Variants in KCNH5 observed in about 807,000 individuals in gnomAD.
KCNH5 encodes voltage-gated delayed rectifier potassium channel KCNH5.
A neutral mutation model predicts 96.1 loss-of-function variants in KCNH5; 46 were observed. That is an observed-to-expected ratio of 0.48 (90% CI 0.38 to 0.61). The LOEUF is 0.61. KCNH5 is among the 20% of genes least tolerant of loss of function. The probability of loss-of-function intolerance (pLI) is 0.00; values close to 1 mark genes in which losing one functional copy is unlikely to be tolerated. For missense variants in KCNH5, 907 were observed against 1,225.8 expected, an observed-to-expected ratio of 0.74 and a Z score of 3.88; for synonymous variants, 439 against 449.8, an observed-to-expected ratio of 0.98 and a Z score of 0.30.
chr14:62,824,502 T>A (rs2140020957), intron 8 of KCNH5, among the ~76,000 whole-genome samples: 1 of 152,146 alleles, frequency 6.6e-6, no homozygotes, highest in East Asian at 1.9e-4. Flanking sequence ...AAACGCTTTT[T>A]TTTTACTTTA....
intron 1 of KCNH5, among the ~76,000 whole-genome samples, chr14:63,026,259 T>C (rs1163021193): frequency 6.6e-6 from 1 of 152,028 alleles, no homozygotes; most frequent in Admixed American, 6.6e-5. Context: ...ACTATAAAAC[T>C]GCTGGAAGAA....
At chr14:62,713,540 C>T (rs574322313) in intron 10 of KCNH5, among the ~76,000 whole-genome samples, 1 of 152,296 alleles carries the variant, frequency 6.6e-6, no homozygotes, top group Non-Finnish European at 1.5e-5. Flanking sequence ...AATTTTCTTT[C>T]CTACTGCAAG....
Position 62,987,121 on chromosome 14 carries a change from G to A in KCNH5, c.500C>T (p.Thr167Met), listed in dbSNP as rs771253745. 2.3e-5 allele frequency: 37 copies of A among 1,613,436 alleles called. No individual in the cohort carries two copies. The highest frequency in any genetic ancestry group is 6.7e-5 in the East Asian group (3 of 44,878). ...GACCACCTCTGTTTTATTCATTGGC[G>A]TGAGCTGCTGCAAAACACTTCGGCT... ...TNSRSVLQQL[T>M]PMNKTEVVHK... is the part of the protein sequence containing the mutation. Residue 167 changes from threonine to methionine, a missense_variant, in exon 5 of 11, where the codon ACG (threonine) becomes ATG (methionine). Thr to Met is a moderately conservative substitution (Grantham distance 81). Coordinates refer to ENST00000322893, the MANE Select transcript of KCNH5 (RefSeq NM_139318.5).
intron 9 of KCNH5, among the ~76,000 whole-genome samples, chr14:62,798,874 T>G (rs1886592232): frequency 6.6e-6 from 1 of 152,180 alleles, no homozygotes; most frequent in Non-Finnish European, 1.5e-5. Context: ...TCAGAGATTC[T>G]AATTAATTTT....
chr14:62,902,983 G>A (rs1888958364), intron 7 of KCNH5, among the ~76,000 whole-genome samples: 1 of 152,130 alleles, frequency 6.6e-6, no homozygotes, highest in African/African-American at 2.4e-5. Context: ...CTCCCCAAGT[G>A]CTGGGATTAC....
At chr14:62,887,632 T>C (rs1305574276) in intron 7 of KCNH5, among the ~76,000 whole-genome samples, 3 of 152,064 alleles carry the variant, frequency 2.0e-5, no homozygotes, top group South Asian at 2.1e-4. Flanking sequence ...GGAAAAAGCC[T>C]TGAAGCTGGG....
At chr14:62,785,213 T>G (rs1171165770) in intron 9 of KCNH5, among the ~76,000 whole-genome samples, 1 of 149,894 alleles carries the variant, frequency 6.7e-6, no homozygotes, top group Admixed American at 6.7e-5. Flanking sequence ...TTTAAAAAAA[T>G]TAATTAATTT....
At chr14:63,017,987 G>C (rs1044016455) in intron 1 of KCNH5, among the ~76,000 whole-genome samples, 1 of 151,818 alleles carries the variant, frequency 6.6e-6, no homozygotes, top group African/African-American at 2.4e-5. Flanking sequence ...ATAAAGATTA[G>C]TAAAACACAC....
At chr14:63,025,920 G>A (rs570697900) in intron 1 of KCNH5, among the ~76,000 whole-genome samples, 5 of 151,270 alleles carry the variant, frequency 3.3e-5, no homozygotes, top group East Asian at 1.9e-4. Context: ...AATTTTGAAC[G>A]AAAAGAACAA....
intron 9 of KCNH5, among the ~76,000 whole-genome samples, chr14:62,782,702 T>C (rs548858989): frequency 6.6e-6 from 1 of 152,186 alleles, no homozygotes; most frequent in African/African-American, 2.4e-5. Flanking sequence ...TCCTAGCTAC[T>C]CGGGAGGCTG....
chr14:62,862,850 C>T (rs755176929), intron 7 of KCNH5, among the ~76,000 whole-genome samples: 37 of 152,182 alleles, frequency 2.4e-4, no homozygotes, highest in Non-Finnish European at 4.7e-4. Context: ...GAACCAATTG[C>T]TCAGTCAACC....
In KCNH5 at chr14:62,950,170, C is replaced by T. The variant is rs892376704; in HGVS notation, c.1332G>A (p.Val444=). 2.1e-5 allele frequency: 34 copies of T among 1,613,866 alleles called. No individual in the cohort carries two copies. Among genetic ancestry groups the T allele is most frequent in the Non-Finnish European group, 2.7e-5 (32 of 1,179,902 alleles). ...GFGNIAPTTD[V]EKMFSVAMMM... ...TCATAGCCACCGAAAACATCTTCTC[C>T]ACATCTGTGGTAGGAGCTATGTTTC... Residue 444 remains valine, a synonymous_variant, in exon 7 of 11, where the codon GTG becomes GTA. Coordinates refer to ENST00000322893, the MANE Select transcript of KCNH5 (RefSeq NM_139318.5).
chr14:62,750,187 A>G (rs1454279708), intron 10 of KCNH5, among the ~76,000 whole-genome samples: 1 of 152,206 alleles, frequency 6.6e-6, no homozygotes, highest in Non-Finnish European at 1.5e-5. Context: ...GGGTTATTCC[A>G]GGCACATAGT....
chr14:62,858,057 T>C (rs917068834), intron 7 of KCNH5, among the ~76,000 whole-genome samples: 2 of 151,420 alleles, frequency 1.3e-5, no homozygotes, highest in Admixed American at 1.3e-4. Flanking sequence ...GAAGTCAACA[T>C]GATAAAGAAA....
chr14:62,967,196 T>C (rs1890320508), intron 6 of KCNH5, among the ~76,000 whole-genome samples: 1 of 152,108 alleles, frequency 6.6e-6, no homozygotes, highest in Non-Finnish European at 1.5e-5. Flanking sequence ...AAGTTATTTA[T>C]AGTTTATTAA....
chr14:62,802,698 C>T, intron 8 of KCNH5, 117 bp from the exon 9 acceptor site: 2 of 1,257,968 alleles, frequency 1.6e-6, no homozygotes, highest in East Asian at 2.5e-5. Context: ...TGCTACACAC[C>T]TTGCTGGGTA....
At chr14:62,930,418 C>T (rs1336325308) in intron 7 of KCNH5, among the ~76,000 whole-genome samples, 2 of 152,128 alleles carry the variant, frequency 1.3e-5, no homozygotes, top group East Asian at 3.9e-4. Flanking sequence ...GCAGATCATA[C>T]TGTATAAACC....
intron 4 of KCNH5, among the ~76,000 whole-genome samples, chr14:62,992,378 T>G (rs955579799): frequency 6.6e-6 from 1 of 152,114 alleles, no homozygotes; most frequent in African/African-American, 2.4e-5. Flanking sequence ...TAGTTCTATT[T>G]TTAGTTGTTT....
At chr14:62,718,948 T>A (rs1465095830) in intron 10 of KCNH5, among the ~76,000 whole-genome samples, 1 of 152,188 alleles carries the variant, frequency 6.6e-6, no homozygotes, top group Non-Finnish European at 1.5e-5. Context: ...GAGAGGAACC[T>A]GACTAAAGGG....
Sources: allele counts gnomAD v4.1 joint callset (sites outside exome capture counted in the v4.1 genomes callset), GRCh38; gene constraint gnomAD v4.1.1; transcripts MANE v1.5; gene names NCBI Gene and HGNC (gene_info 2026-07-23, HGNC 2026-07-21).